Variants in CAPSL observed in about 807,000 individuals in gnomAD.
CAPSL encodes the protein calcyphosin-like protein.
In CAPSL, 17 loss-of-function variants were observed where a neutral mutation model predicts 21.3. The observed-to-expected ratio is 0.80, with a 90% confidence interval of 0.55 to 1.20. The LOEUF (loss-of-function observed/expected upper bound fraction) is 1.20, where lower values mean the gene tolerates loss of function less well. Ranked by LOEUF, CAPSL falls within the 50% of genes most tolerant of loss-of-function variation. CAPSL has a pLI of 0.00. For missense variants in CAPSL, 289 were observed against 259.3 expected (o/e 1.11, Z -0.79); for synonymous variants, 102 against 89.3 (o/e 1.14, Z -0.80).
intron 1 of CAPSL, among the ~76,000 whole-genome samples, chr5:35,931,204 G>T (rs985224881): frequency 3.3e-5 from 5 of 152,104 alleles, no homozygotes; most frequent in Non-Finnish European, 5.9e-5. Context: ...CAATGTTTGG[G>T]CTGACCCTAA....
intron 3 of CAPSL, 56 bp downstream of exon 3, chr5:35,910,310 C>T (rs1041527693): frequency 3.6e-5 from 56 of 1,569,618 alleles, no homozygotes; most frequent in Non-Finnish European, 4.8e-5. Context: ...AGGTAGCCAA[C>T]CCAAACCACG....
intron 1 of CAPSL, among the ~76,000 whole-genome samples, chr5:35,925,945 G>A (rs1345882205): frequency 2.6e-5 from 4 of 151,946 alleles, no homozygotes; most frequent in South Asian, 2.1e-4. Context: ...TCATGATGGC[G>A]GTTGCCTGTA....
At chr5:35,906,253 T>C (rs368708926) in intron 4 of CAPSL, among the ~76,000 whole-genome samples, 1 of 152,158 alleles carries the variant, frequency 6.6e-6, no homozygotes, top group Non-Finnish European at 1.5e-5. Context: ...ATGACAGCCA[T>C]TGAATGAGAC....
At chr5:35,905,946 TG>T (rs1195117567) in intron 4 of CAPSL, among the ~76,000 whole-genome samples, 3 of 152,186 alleles carry the variant, frequency 2.0e-5, no homozygotes, top group African/African-American at 7.2e-5. Flanking sequence ...CCCAGTTAAT[TG>T]TTGTGCACAC....
chr5:35,937,360 G>A (rs1738977021), intron 1 of CAPSL, among the ~76,000 whole-genome samples: 1 of 152,184 alleles, frequency 6.6e-6, no homozygotes, highest in African/African-American at 2.4e-5. Flanking sequence ...GCCATTTCTA[G>A]TAATTCTCCA....
At chr5:35,919,170 A>AATAT (rs1554069749) in intron 2 of CAPSL, among the ~76,000 whole-genome samples, 2,222 of 121,230 alleles carry the variant, frequency 0.018, 38 homozygotes, top group Non-Finnish European at 0.027. Flanking sequence ...TAAAAAAAAA[A>AATAT]ATATATATAT....
At chr5:35,909,692 T>C in intron 4 of CAPSL, 174 bp downstream of exon 4, 1 of 614,022 alleles carries the variant, frequency 1.6e-6, no homozygotes, top group Non-Finnish European at 2.8e-6. Context: ...TAAAGTAACA[T>C]GAAGGTTTCC....
At chr5:35,917,473 C>T (rs1403760730) in intron 2 of CAPSL, among the ~76,000 whole-genome samples, 1 of 152,088 alleles carries the variant, frequency 6.6e-6, no homozygotes, top group African/African-American at 2.4e-5. Context: ...ACCCAAATGT[C>T]CAACAATGAT....
intron 1 of CAPSL, among the ~76,000 whole-genome samples, chr5:35,927,561 A>G (rs902322496): frequency 6.6e-6 from 1 of 152,156 alleles, no homozygotes; most frequent in African/African-American, 2.4e-5. Flanking sequence ...ATTCTCATCC[A>G]AGACAAAACA....
At chr5:35,924,778 C>G (rs940138704) in intron 1 of CAPSL, among the ~76,000 whole-genome samples, 1 of 152,176 alleles carries the variant, frequency 6.6e-6, no homozygotes, top group African/African-American at 2.4e-5. Flanking sequence ...AGTTTGAATC[C>G]TGATCTCCTG....
Position 35,920,978 on chromosome 5 carries a change from T to C in CAPSL, c.137+6A>G, listed in dbSNP as rs1264936422. On this transcript the variant is annotated splice_donor_region_variant and intron_variant, in intron 2 of 4. Transcript: ENST00000651391. ...CCATTCCCTGCCACTTGTAGCTGGG[T>C]CCTACCTGCCAAGTCCTTTGATCCC... The C allele has an allele frequency of 6.2e-7, 1 of 1,613,354 alleles. No individual in the cohort carries two copies. Among genetic ancestry groups the C allele is most frequent in the Admixed American group, 1.7e-5 (1 of 59,942 alleles).
chr5:35,908,473 A>G (rs543162138), intron 4 of CAPSL, among the ~76,000 whole-genome samples: 4 of 152,326 alleles, frequency 2.6e-5, no homozygotes, highest in African/African-American at 9.6e-5. Flanking sequence ...CCGAATCACA[A>G]CTGGCTATTT....
chr5:35,910,591 G>A (rs373561910), intron 2 of CAPSL, 48 bp from the exon 3 acceptor site: 3 of 1,347,976 alleles, frequency 2.2e-6, no homozygotes, highest in African/African-American at 1.5e-5. Context: ...CAAATAACAG[G>A]TGTAAGTGTA....
intron 1 of CAPSL, among the ~76,000 whole-genome samples, chr5:35,925,843 G>A (rs1162836283): frequency 6.6e-6 from 1 of 152,146 alleles, no homozygotes; most frequent in Non-Finnish European, 1.5e-5. Flanking sequence ...TTGGGAGGCA[G>A]AGACGGGCGG....
intron 2 of CAPSL, among the ~76,000 whole-genome samples, chr5:35,914,815 C>T (rs938909115): frequency 6.6e-6 from 1 of 152,056 alleles, no homozygotes; most frequent in Non-Finnish European, 1.5e-5. Context: ...GAAGCAAGAG[C>T]AAACATATTC....
chr5:35,933,141 T>C (rs1738861744), intron 1 of CAPSL, among the ~76,000 whole-genome samples: 3 of 152,226 alleles, frequency 2.0e-5, no homozygotes, highest in Admixed American at 2.0e-4. Flanking sequence ...AGAAACACTT[T>C]GCTGACCTCC....
At chr5:35,931,165 T>C (rs528141510) in intron 1 of CAPSL, among the ~76,000 whole-genome samples, 1 of 152,308 alleles carries the variant, frequency 6.6e-6, no homozygotes, top group South Asian at 2.1e-4. Flanking sequence ...TATTCCTAAC[T>C]GATACAGACG....
chr5:35,936,352 T>C (rs1350819140), intron 1 of CAPSL, among the ~76,000 whole-genome samples: 2 of 152,158 alleles, frequency 1.3e-5, no homozygotes, highest in Non-Finnish European at 2.9e-5. Flanking sequence ...CAGCAGCTCC[T>C]TCTTTTAGTT....
At chr5:35,913,815 A>T (rs539046914) in intron 2 of CAPSL, among the ~76,000 whole-genome samples, 2 of 152,318 alleles carry the variant, frequency 1.3e-5, no homozygotes, top group Admixed American at 1.3e-4. Context: ...GAGCAAAATA[A>T]CCAGCTAACA....
Sources: gnomAD v4.1 joint callset for allele counts (sites outside exome capture counted in the v4.1 genomes callset) on GRCh38, gnomAD v4.1.1 for gene constraint, MANE v1.5 for transcripts, NCBI Gene and HGNC (gene_info 2026-07-23, HGNC 2026-07-21) for gene names.